Variants in GPR158 observed in about 807,000 individuals in gnomAD.
GPR158 encodes metabotropic glycine receptor.
A neutral mutation model predicts 78.2 loss-of-function variants in GPR158; 30 were observed. That is an observed-to-expected ratio of 0.38 (90% CI 0.29 to 0.52). The LOEUF (loss-of-function observed/expected upper bound fraction) is 0.52, where lower values mean the gene tolerates loss of function less well. Among genes scored for constraint, GPR158 ranks in the 20% least tolerant of loss-of-function variants. GPR158 has a pLI of 0.83. For missense variants in GPR158, 1,463 were observed against 1,523.5 expected (o/e 0.96, Z 0.66); for synonymous variants, 581 against 591.1 (o/e 0.98, Z 0.25).
intron 2 of GPR158, among the ~76,000 whole-genome samples, chr10:25,277,238 C>T (rs1588771094): frequency 6.6e-6 from 1 of 152,110 alleles, no homozygotes. Flanking sequence ...AGGCGTGTTC[C>T]ACAGTGCTCA....
chr10:25,580,289 A>G lies in GPR158; in HGVS notation c.1753+7402A>G, dbSNP rs773542521. 8.5e-5 allele frequency among the ~76,000 whole-genome samples: 13 copies of G among 152,372 alleles called. No individual in the cohort carries two copies. In the South Asian group the frequency reaches 1.0e-3, roughly 12 times the overall value. ...TCACATAATATAAAATATTGCCACT[A>G]TAGAAAATACACAGTCTTTATTCTT... On this transcript the variant is annotated intron_variant, in intron 7 of 10. Coordinates refer to ENST00000376351, the MANE Select transcript of GPR158 (RefSeq NM_020752.3).
rs772031753 is a variant in GPR158 at position 25,176,171 on chromosome 10, C to A, written c.751C>A (p.Arg251=). ...GCCCCGGGGCCTGGGCCACAGCTGG[C>A]GGCGCAAGGACGGGCTCGGCGGGGA... ...QGPRGLGHSW[R]RKDGLGGDKS... The change falls in exon 1 of 11, where the codon CGG becomes AGG. Residue 251 remains arginine, a synonymous_variant. Transcript: ENST00000376351. This position sits in a 1 kb window ranked among gnomAD's most constrained non-coding sequence, Gnocchi z 6.3. 7 of 1,578,558 alleles carry A rather than the reference C, an allele frequency of 4.4e-6. No individual in the cohort carries two copies. The Admixed American group carries it at 5.7e-5, about 13-fold the overall frequency.
intron 2 of GPR158, among the ~76,000 whole-genome samples, chr10:25,264,651 C>T (rs1417515895): frequency 1.3e-5 from 2 of 152,190 alleles, no homozygotes; most frequent in Non-Finnish European, 2.9e-5. Context: ...GTTTGTTACA[C>T]AGCAGGGAGA....
At chr10:25,576,203 C>T (rs565945530) in intron 7 of GPR158, among the ~76,000 whole-genome samples, 1 of 152,120 alleles carries the variant, frequency 6.6e-6, no homozygotes, top group Non-Finnish European at 1.5e-5. Flanking sequence ...CCCTTATCCC[C>T]TAACCCCTTC....
chr10:25,306,331 C>A (rs1049687884), intron 2 of GPR158, among the ~76,000 whole-genome samples: 1 of 152,162 alleles, frequency 6.6e-6, no homozygotes, highest in South Asian at 2.1e-4. Flanking sequence ...ATATCTCTTA[C>A]TAAGTTTCAA....
chr10:25,586,435 ACT>A (rs1837270197), intron 7 of GPR158, among the ~76,000 whole-genome samples: 1 of 121,598 alleles, frequency 8.2e-6, no homozygotes, highest in Admixed American at 1.1e-4. Context: ...GCAGAGTCTC[ACT>A]CTGTCACCCA....
intron 2 of GPR158, among the ~76,000 whole-genome samples, chr10:25,381,080 A>G (rs1207921982): frequency 1.3e-5 from 2 of 152,218 alleles, no homozygotes; most frequent in Admixed American, 1.3e-4. Flanking sequence ...AAGAGGAAGA[A>G]TGTCAGCTCG....
intron 2 of GPR158, among the ~76,000 whole-genome samples, chr10:25,323,404 G>A (rs546818646): frequency 2.6e-5 from 4 of 152,246 alleles, no homozygotes; most frequent in Non-Finnish European, 5.9e-5. Context: ...TTGAAGCTAG[G>A]CATTGACTTC....
At chr10:25,389,281 G>C (rs1294171445) in intron 2 of GPR158, among the ~76,000 whole-genome samples, 1 of 152,158 alleles carries the variant, frequency 6.6e-6, no homozygotes, top group Non-Finnish European at 1.5e-5. Flanking sequence ...TCAAGGAGAT[G>C]ATGGGACAAC....
chr10:25,314,840 C>T (rs528187943), intron 2 of GPR158, among the ~76,000 whole-genome samples: 104 of 124,164 alleles, frequency 8.4e-4, no homozygotes, highest in South Asian at 1.6e-3. Context: ...TACATATACA[C>T]GTATATACAT....
intron 7 of GPR158, among the ~76,000 whole-genome samples, chr10:25,586,933 A>G (rs141815235): frequency 4.1e-4 from 63 of 152,374 alleles, no homozygotes; most frequent in African/African-American, 1.4e-3. Flanking sequence ...CTGAGACAAC[A>G]ATATTGCCAG....
At chr10:25,425,173 G>A (rs889940823) in intron 4 of GPR158, among the ~76,000 whole-genome samples, 1 of 151,814 alleles carries the variant, frequency 6.6e-6, no homozygotes, top group Non-Finnish European at 1.5e-5. Flanking sequence ...TGATTTGGCT[G>A]TCTGTTTGTC....
chr10:25,329,741 A>G (rs1855092215), intron 2 of GPR158, among the ~76,000 whole-genome samples: 2 of 152,082 alleles, frequency 1.3e-5, no homozygotes, highest in African/African-American at 4.8e-5. Context: ...CATCTAGCAG[A>G]TCTCACAACT....
chr10:25,282,675 T>TA (rs1261253687), intron 2 of GPR158, among the ~76,000 whole-genome samples: 12 of 152,244 alleles, frequency 7.9e-5, no homozygotes, highest in Non-Finnish European at 1.2e-4. Context: ...GTCTCATAGA[T>TA]ACGTGTGTAC....
intron 4 of GPR158, among the ~76,000 whole-genome samples, chr10:25,414,165 A>G (rs537675444): frequency 6.6e-6 from 1 of 152,338 alleles, no homozygotes; most frequent in African/African-American, 2.4e-5. Flanking sequence ...AGTTGGTAAT[A>G]CATGGTAGGT....
chr10:25,540,513 T>C (rs970380564), intron 5 of GPR158, among the ~76,000 whole-genome samples: 45 of 152,156 alleles, frequency 3.0e-4, no homozygotes, highest in Non-Finnish European at 4.9e-4. Flanking sequence ...TGTGGCACTA[T>C]TCACAATAGC....
intron 4 of GPR158, among the ~76,000 whole-genome samples, chr10:25,465,357 T>C (rs549773978): frequency 6.6e-6 from 1 of 152,340 alleles, no homozygotes; most frequent in South Asian, 2.1e-4. Context: ...ATATTTGCTC[T>C]ATATTGATAC....
chr10:25,498,710 A>T (rs892158663), intron 5 of GPR158, among the ~76,000 whole-genome samples: 3 of 152,206 alleles, frequency 2.0e-5, no homozygotes, highest in African/African-American at 7.2e-5. Flanking sequence ...CATATGACTA[A>T]TAATCCTCCC....
rs146938051 is a variant in GPR158, at chr10:25,175,593, C to T, written c.173C>T (p.Ser58Leu). 4.3e-6 allele frequency: 7 copies of T among 1,610,752 alleles called. No homozygotes were observed. Among genetic ancestry groups the T allele is most frequent in the Admixed American group, 1.7e-5 (1 of 60,014 alleles). The change falls in exon 1 of 11, where the codon TCG (serine) becomes TTG (leucine). Residue 58 changes from serine to leucine, a missense_variant. By Grantham distance (145) the Ser-to-Leu change is moderately radical. Transcript: ENST00000376351. This position sits in a 1 kb window ranked among gnomAD's most constrained non-coding sequence, Gnocchi z 6.4. Reference sequence around the variant, plus strand: ...GGTCGAGCCTCTGCCTCGGACTCCTCGGCTCCCTGGAGCCGCTCCACCGAT... The same window carrying T: ...GGTCGAGCCTCTGCCTCGGACTCCTTGGCTCCCTGGAGCCGCTCCACCGAT... ...QPGRASASDS[S>L]APWSRSTDGT... is the part of the protein sequence containing the mutation.
Sources: gnomAD v4.1 joint callset for allele counts (sites outside exome capture counted in the v4.1 genomes callset) on GRCh38, gnomAD v4.1.1 for gene constraint, Gnocchi (gnomAD v3.1) non-coding constraint, MANE v1.5 for transcripts, NCBI Gene and HGNC (gene_info 2026-07-23, HGNC 2026-07-21) for gene names.